The following RPAP3 variants were observed in gnomAD, a reference collection of about 807,000 sequenced individuals.
The protein encoded by RPAP3 is RNA polymerase II-associated protein 3.
Under a neutral mutation model 88.8 loss-of-function variants are expected in RPAP3, and 58 were observed. That is an observed-to-expected ratio of 0.65 (90% CI 0.53 to 0.81). The LOEUF (loss-of-function observed/expected upper bound fraction) is 0.81, where lower values mean the gene tolerates loss of function less well. Ranked by LOEUF, RPAP3 falls within the 40% of genes least tolerant of loss-of-function variation. The pLI is 0.00. For synonymous variants in RPAP3, 255 were observed against 259.9 expected, an observed-to-expected ratio of 0.98 and a Z score of 0.18; for missense variants, 751 against 764.3, an observed-to-expected ratio of 0.98 and a Z score of 0.20.
intron 5 of RPAP3, among the ~76,000 whole-genome samples, chr12:47,691,202 T>A (rs1939421122): frequency 6.6e-6 from 1 of 152,352 alleles, no homozygotes; most frequent in South Asian, 2.1e-4. Flanking sequence ...TAAGTTTATA[T>A]AATGTTCTAA....
chr12:47,664,055 A>C (rs1413579060), intron 16 of RPAP3, among the ~76,000 whole-genome samples: 1 of 152,230 alleles, frequency 6.6e-6, no homozygotes, highest in Non-Finnish European at 1.5e-5. Context: ...GGGACAGTTA[A>C]ATATTTTTAT....
intron 13 of RPAP3, 116 bp from the exon 14 acceptor site, chr12:47,669,218 GT>G: frequency 1.6e-6 from 1 of 608,810 alleles, no homozygotes; most frequent in Non-Finnish European, 2.8e-6. Context: ...TTATCTATTT[GT>G]ATTATACAAG....
At chr12:47,685,378 C>CAAAA (rs11416118) in intron 9 of RPAP3, among the ~76,000 whole-genome samples, 41 of 130,462 alleles carry the variant, frequency 3.1e-4, no homozygotes, top group African/African-American at 8.0e-4. Flanking sequence ...GACTCTGTCT[C>CAAAA]AAAAAAAAAA....
chr12:47,684,493 C>T (rs1015965164), intron 9 of RPAP3, among the ~76,000 whole-genome samples: 2 of 152,090 alleles, frequency 1.3e-5, no homozygotes, highest in Non-Finnish European at 2.9e-5. Flanking sequence ...GTCCGTAATA[C>T]ATAACAACAG....
chr12:47,689,702 A>G (rs1939391990), intron 6 of RPAP3, among the ~76,000 whole-genome samples: 2 of 152,236 alleles, frequency 1.3e-5, no homozygotes, highest in Non-Finnish European at 2.9e-5. Context: ...ACCATCTTCC[A>G]CCAGCCCCAG....
At chr12:47,684,671 A>G (rs1365485944) in intron 9 of RPAP3, among the ~76,000 whole-genome samples, 3 of 152,234 alleles carry the variant, frequency 2.0e-5, no homozygotes, top group African/African-American at 7.2e-5. Context: ...AAACTGATAC[A>G]ATAAATTAGA....
At chr12:47,704,066 T>C (rs552309534) in intron 1 of RPAP3, among the ~76,000 whole-genome samples, 5 of 152,316 alleles carry the variant, frequency 3.3e-5, no homozygotes, top group South Asian at 2.1e-4. Context: ...TAGGTAGCTA[T>C]GTAGGAATAG....
At chr12:47,704,676 C>G (rs1939740836) in intron 1 of RPAP3, among the ~76,000 whole-genome samples, 1 of 151,856 alleles carries the variant, frequency 6.6e-6, no homozygotes, top group Non-Finnish European at 1.5e-5. Context: ...CCGCGCCTGA[C>G]CTCTATTTAG....
intron 14 of RPAP3, 49 bp from the exon 15 acceptor site, chr12:47,667,900 TCA>T (rs772163054): frequency 8.5e-7 from 1 of 1,171,030 alleles, no homozygotes; most frequent in African/African-American, 1.5e-5. Flanking sequence ...CACTTACATA[TCA>T]CAAATTACAC....
chr12:47,678,977 T>C (rs149449284), intron 12 of RPAP3, among the ~76,000 whole-genome samples: 2,179 of 152,256 alleles, frequency 0.014, 178 homozygotes, highest in Admixed American at 0.13. Context: ...CTATTCACAA[T>C]AGCAAAGACT....
intron 12 of RPAP3, among the ~76,000 whole-genome samples, chr12:47,672,212 T>C (rs149955621): frequency 1.1e-3 from 160 of 152,324 alleles, no homozygotes; most frequent in Non-Finnish European, 2.0e-3. Context: ...TCTGCTCTCC[T>C]ACCCTCTGTC....
chr12:47,679,429 G>T, intron 12 of RPAP3, 64 bp downstream of exon 12: 2 of 1,065,136 alleles, frequency 1.9e-6, no homozygotes, highest in Non-Finnish European at 2.8e-6. Context: ...ACAATAGTTG[G>T]TTTCCAATTC....
intron 15 of RPAP3, 115 bp downstream of exon 15, chr12:47,667,639 A>C: frequency 3.4e-6 from 2 of 596,676 alleles, no homozygotes; most frequent in Non-Finnish European, 5.8e-6. Context: ...CAATTGACAT[A>C]AACAAGACTT....
intron 5 of RPAP3, among the ~76,000 whole-genome samples, chr12:47,691,729 A>T (rs1192066421): frequency 6.6e-6 from 1 of 151,870 alleles, no homozygotes; most frequent in Non-Finnish European, 1.5e-5. Flanking sequence ...TCAGTACACT[A>T]CTTTGAAATA....
intron 15 of RPAP3, 151 bp downstream of exon 15, chr12:47,667,603 A>G (rs537025585): frequency 1.8e-6 from 1 of 543,348 alleles, no homozygotes; most frequent in South Asian, 2.9e-5. Context: ...GGCATACTGT[A>G]TAAACAAACC....
intron 5 of RPAP3, among the ~76,000 whole-genome samples, chr12:47,691,614 C>G (rs1189260012): frequency 2.0e-5 from 3 of 152,180 alleles, no homozygotes; most frequent in Admixed American, 6.5e-5. Flanking sequence ...GAAAATGACT[C>G]TTTGATCCAT....
chr12:47,701,443 C>G, intron 3 of RPAP3, 21 bp downstream of exon 3: 1 of 1,526,224 alleles, frequency 6.6e-7, no homozygotes, highest in Non-Finnish European at 8.8e-7. Flanking sequence ...TATTAAGAAG[C>G]AAATGACTAG....
chr12:47,686,966 AT>A (rs1939339556), intron 8 of RPAP3, 59 bp from the exon 9 acceptor site: 2 of 1,084,752 alleles, frequency 1.8e-6, no homozygotes, highest in South Asian at 3.4e-5. Context: ...AAATAAATGA[AT>A]TCAAATCTTA....
chr12:47,674,386 A>C (rs1223501813), intron 12 of RPAP3, among the ~76,000 whole-genome samples: 1 of 152,210 alleles, frequency 6.6e-6, no homozygotes, highest in African/African-American at 2.4e-5. Flanking sequence ...ACTAAGCTGG[A>C]CGGAGAATGA....
Sources: allele counts gnomAD v4.1 joint callset (sites outside exome capture counted in the v4.1 genomes callset), GRCh38; gene constraint gnomAD v4.1.1; transcripts MANE v1.5; gene names NCBI Gene and HGNC (gene_info 2026-07-23, HGNC 2026-07-21).